CDC27: variants seen among roughly 807,000 people sequenced by gnomAD.
The protein encoded by CDC27 is cell division cycle protein 27 homolog.
In CDC27, 27 loss-of-function variants were observed where a neutral mutation model predicts 109.7. The observed-to-expected ratio is 0.25, with a 90% CI of 0.18 to 0.34. The LOEUF is 0.34. Ranked by LOEUF, CDC27 falls within the 10% of genes least tolerant of loss-of-function variation. CDC27 has a pLI of 1.00. For missense variants in CDC27, 579 were observed against 960.2 expected (o/e 0.60, Z 5.25); for synonymous variants, 266 against 333.9 (o/e 0.80, Z 2.22).
chr17:47,173,507 C>A (rs2063880218), intron 2 of CDC27, among the ~76,000 whole-genome samples: 2 of 152,108 alleles, frequency 1.3e-5, no homozygotes, highest in South Asian at 4.1e-4. Context: ...TTTCTTTTCA[C>A]CTTATAAGTT....
intron 2 of CDC27, 81 bp from the exon 3 acceptor site, chr17:47,172,145 G>T: frequency 1.1e-6 from 1 of 870,364 alleles, no homozygotes; most frequent in Non-Finnish European, 1.6e-6. Context: ...AACAAGTTTA[G>T]CAAAAAAAAA....
intron 8 of CDC27, among the ~76,000 whole-genome samples, chr17:47,152,816 A>G (rs1277156930): frequency 6.6e-6 from 1 of 152,198 alleles, no homozygotes; most frequent in Non-Finnish European, 1.5e-5. Context: ...GTTACTTCCA[A>G]AACATTACAT....
At chr17:47,164,384 C>A (rs1315401988) in intron 4 of CDC27, among the ~76,000 whole-genome samples, 1 of 152,170 alleles carries the variant, frequency 6.6e-6, no homozygotes, top group East Asian at 1.9e-4. Flanking sequence ...TTAAACTTTA[C>A]TTTGGAATAA....
rs538737693 is a variant in CDC27 at position 47,185,788 on chromosome 17, G to A, written c.27+3358C>T. 1.2e-4 allele frequency among the ~76,000 whole-genome samples: 18 copies of A among 152,256 alleles called. No individual in the cohort carries two copies. In the South Asian group the frequency reaches 3.7e-3, roughly 32 times the overall value. ...AGATACAAAGAAAAAAATCACTGTTGAAATTTCATATTATACATTATAATT... is the reference window on the plus strand; with the variant it reads ...AGATACAAAGAAAAAAATCACTGTTAAAATTTCATATTATACATTATAATT... On this transcript the variant is annotated intron_variant, in intron 1 of 18. Transcript: ENST00000066544.
At position 47,137,365 on chromosome 17, in the gene CDC27, A is replaced by C. The variant is rs1568384744; in HGVS notation, c.1705-5T>G. 2.0e-6 allele frequency: 3 copies of C among 1,532,364 alleles called. No homozygotes were observed. Among genetic ancestry groups the C allele is most frequent in the Non-Finnish European group, 1.8e-6 (2 of 1,140,280 alleles). 94.9% of individuals were successfully genotyped at this position (1,532,364 alleles called of 1,614,324 possible). ...GTTCCCTGCAGCACACCAGGCCTTA[A>C]AAAAATGGGAACAAAAACCAAACAG... On this transcript the variant is annotated splice_polypyrimidine_tract_variant and splice_region_variant and intron_variant, in intron 13 of 18. Transcript: ENST00000066544.
At chr17:47,180,545 A>G (rs1168540918) in intron 2 of CDC27, among the ~76,000 whole-genome samples, 2 of 151,906 alleles carry the variant, frequency 1.3e-5, no homozygotes, top group African/African-American at 4.8e-5. Context: ...ACTCTCAGCT[A>G]CTAAACCCAT....
Position 47,152,086 on chromosome 17 carries a change from A to G in CDC27, c.958-168T>C, listed in dbSNP as rs1207438608. 16 of 456,036 alleles carry G rather than the reference A, an allele frequency of 3.5e-5. No individual in the cohort carries two copies. In the East Asian group the frequency reaches 6.1e-4, roughly 17 times the overall value. The allele number at this position is 456,036 out of a possible 1,614,324, so 28.2% of individuals were successfully genotyped here. A position where few individuals can be genotyped will look rare whatever the true frequency, so the allele number is the denominator to read the frequency against. Reference sequence around the variant, plus strand: ...TATTGTTAATTATTGTTGTATTAGTATGAACATCAGTCTATTTCCCTGTTT... The same window carrying G: ...TATTGTTAATTATTGTTGTATTAGTGTGAACATCAGTCTATTTCCCTGTTT... On this transcript the variant is annotated intron_variant, in intron 8 of 18. Transcript: ENST00000066544.
chr17:47,181,766 C>T (rs1598610994), intron 1 of CDC27, 129 bp from the exon 2 acceptor site: 1 of 504,358 alleles, frequency 2.0e-6, no homozygotes, highest in Non-Finnish European at 3.6e-6. Flanking sequence ...CCAATGCCCA[C>T]AGAGCAAACT....
At chr17:47,125,996 G>A (rs1275967147) in intron 16 of CDC27, among the ~76,000 whole-genome samples, 1 of 152,066 alleles carries the variant, frequency 6.6e-6, no homozygotes, top group Non-Finnish European at 1.5e-5. Context: ...CCCACCCCCA[G>A]CGATCTAATT....
intron 1 of CDC27, chr17:47,188,938 C>T: frequency 7.0e-7 from 1 of 1,425,712 alleles, no homozygotes; most frequent in East Asian, 2.5e-5. Flanking sequence ...GCCGCTCACG[C>T]TAAGGGTGAA....
intron 14 of CDC27, among the ~76,000 whole-genome samples, chr17:47,133,040 C>CACACACACACACACATACATAT (rs1225498589): frequency 1.5e-5 from 1 of 64,778 alleles, no homozygotes; most frequent in Non-Finnish European, 3.1e-5. Context: ...CACACACACA[C>CACACACACACACACATACATAT]ACACACACAC....
intron 1 of CDC27, among the ~76,000 whole-genome samples, chr17:47,183,512 GT>G (rs1308195519): frequency 3.3e-5 from 5 of 152,048 alleles, no homozygotes; most frequent in African/African-American, 1.2e-4. Flanking sequence ...TTTAACCTTT[GT>G]TTATATAGCT....
At chr17:47,161,052 A>C (rs2063482656) in intron 4 of CDC27, 1 of 151,892 alleles carries the variant, frequency 6.6e-6, no homozygotes, top group East Asian at 1.9e-4. Context: ...TTAGATCAAA[A>C]ATTTCTTTCT....
At chr17:47,161,908 A>G (rs916477658) in intron 4 of CDC27, 2 of 151,886 alleles carry the variant, frequency 1.3e-5, no homozygotes, top group Non-Finnish European at 2.9e-5. Context: ...TCTTTAGAAA[A>G]TCTCTGTCTG....
At chr17:47,185,725 AAAAT>A (rs2064409909) in intron 1 of CDC27, among the ~76,000 whole-genome samples, 1 of 152,152 alleles carries the variant, frequency 6.6e-6, no homozygotes, top group Non-Finnish European at 1.5e-5. Flanking sequence ...TAAAAACCAT[AAAAT>A]AAATGGATAA....
intron 4 of CDC27, among the ~76,000 whole-genome samples, chr17:47,169,305 C>G (rs1455775059): frequency 6.6e-6 from 1 of 151,960 alleles, no homozygotes; most frequent in Non-Finnish European, 1.5e-5. Flanking sequence ...TTTCTTCTAT[C>G]TCCTCAGTGG....
intron 14 of CDC27, among the ~76,000 whole-genome samples, chr17:47,134,785 CTTTTT>C (rs376654308): frequency 8.0e-6 from 1 of 125,008 alleles, no homozygotes; most frequent in African/African-American, 3.0e-5. Context: ...TAATTGTTTT[CTTTTT>C]TTTTTTTTTT....
At chr17:47,138,240 T>C (rs926182680) in intron 13 of CDC27, among the ~76,000 whole-genome samples, 4 of 152,192 alleles carry the variant, frequency 2.6e-5, no homozygotes, top group African/African-American at 7.2e-5. Context: ...TAATTCAGTG[T>C]TCATGTTGAC....
At chr17:47,173,250 T>C (rs2063869644) in intron 2 of CDC27, among the ~76,000 whole-genome samples, 1 of 152,184 alleles carries the variant, frequency 6.6e-6, no homozygotes, top group Non-Finnish European at 1.5e-5. Flanking sequence ...AGAACCCTTC[T>C]TCTCTGGTCC....
Sources: gnomAD v4.1 joint callset for allele counts (sites outside exome capture counted in the v4.1 genomes callset) on GRCh38, gnomAD v4.1.1 for gene constraint, MANE v1.5 for transcripts, NCBI Gene and HGNC (gene_info 2026-07-23, HGNC 2026-07-21) for gene names.